The following ECE2 variants were observed in gnomAD, a reference collection of about 807,000 sequenced individuals.
The protein encoded by ECE2 is endothelin converting enzyme 2.
Under a neutral mutation model 100.6 loss-of-function variants are expected in ECE2, and 81 were observed. The ratio of observed to expected loss-of-function variants is 0.81; its 90% CI spans 0.67 to 0.97. The LOEUF (loss-of-function observed/expected upper bound fraction) is 0.97, where lower values mean the gene tolerates loss of function less well. ECE2 is among the 50% of genes least tolerant of loss of function. ECE2 has a pLI of 0.00. For synonymous variants in ECE2, 391 were observed against 391.5 expected (o/e 1.00, Z 0.02); for missense variants, 911 against 988.1 (o/e 0.92, Z 1.05).
Position 184,276,529 on chromosome 3 carries a change from A to G in ECE2, c.88A>G (p.Thr30Ala). 1 of 1,611,290 alleles carries G rather than the reference A, an allele frequency of 6.2e-7. No individual in the cohort carries two copies. The highest frequency in any genetic ancestry group is 2.2e-5 in the East Asian group (1 of 44,806). ...GCTTCGGGATGAAGACGCACCCGAG[A>G]CCCCCGTAGAGGGCGGGGCCTCCCC... is the stretch of plus-strand genomic sequence containing the variant. ...ATLRDEDAPE[T>A]PVEGGASPDA... Residue 30 changes from threonine (T) to alanine (A), a missense_variant, in exon 2 of 19, where the codon ACC (threonine) becomes GCC (alanine). Physicochemically the swap from Thr to Ala is moderately conservative, Grantham distance 58 (BLOSUM62 0). Transcript: ENST00000404464.
intron 7 of ECE2, among the ~76,000 whole-genome samples, chr3:184,279,328 A>AG (rs1720718765): frequency 6.9e-6 from 1 of 145,382 alleles, no homozygotes; most frequent in Non-Finnish European, 1.5e-5. Context: ...AAAAAAAAAA[A>AG]GAAAGAAAAA....
chr3:184,290,040 C>T (rs1322209809), intron 13 of ECE2, among the ~76,000 whole-genome samples: 1 of 152,076 alleles, frequency 6.6e-6, no homozygotes, highest in East Asian at 1.9e-4. Context: ...TAGTGCCTTC[C>T]TCATAGGGTT....
At chr3:184,280,962 G>A (rs1432533091) in intron 7 of ECE2, among the ~76,000 whole-genome samples, 3 of 149,504 alleles carry the variant, frequency 2.0e-5, no homozygotes, top group Non-Finnish European at 4.4e-5. Context: ...CTGGGCAACA[G>A]AGCAAGACTC....
At chr3:184,286,143 G>A (rs1489607406) in intron 10 of ECE2, among the ~76,000 whole-genome samples, 2 of 152,166 alleles carry the variant, frequency 1.3e-5, no homozygotes, top group African/African-American at 4.8e-5. Context: ...GAGGTGCCAT[G>A]TGATGGAAAA....
chr3:184,288,895 G>A (rs375493999), intron 11 of ECE2, among the ~76,000 whole-genome samples: 5 of 152,100 alleles, frequency 3.3e-5, no homozygotes, highest in South Asian at 2.1e-4. Context: ...GGTGGTTCAC[G>A]CTTGTAATCC....
intron 11 of ECE2, 48 bp downstream of exon 11, chr3:184,287,995 T>G (rs1285733304): frequency 6.4e-7 from 1 of 1,554,516 alleles, no homozygotes; most frequent in East Asian, 2.2e-5. Context: ...AATTGACTGT[T>G]CATGTATGTG....
chr3:184,277,642 A>T (rs1720624937), intron 4 of ECE2, among the ~76,000 whole-genome samples, 176 bp downstream of exon 4: 1 of 152,184 alleles, frequency 6.6e-6, no homozygotes, highest in Admixed American at 6.5e-5. Context: ...GATGGGTTTG[A>T]TGGGGGCAGA....
rs776314341 is a variant in ECE2, at chr3:184,291,521, C to G, written c.2121+82C>G. 1.9e-5 allele frequency: 25 copies of G among 1,282,530 alleles called. No individual in the cohort carries two copies. Among genetic ancestry groups the G allele is most frequent in the Non-Finnish European group, 2.5e-5 (24 of 948,722 alleles). 79.4% of individuals were successfully genotyped at this position (1,282,530 alleles called of 1,614,324 possible). The stretch of plus-strand genomic sequence containing the variant: ...ATGTCATTAGGAGAACTCTGGGGCA[C>G]GTGTCAAACGGGCTGGTGAATGGGG... On this transcript the variant is annotated intron_variant, in intron 18 of 18. Coordinates refer to ENST00000404464, the MANE Select transcript of ECE2 (RefSeq NM_001100121.2). This position sits in a 1 kb window ranked among gnomAD's most constrained non-coding sequence, Gnocchi z 4.1.
In ECE2 at chr3:184,285,051, A is replaced by G; in HGVS notation, c.1094A>G (p.Tyr365Cys). 6.2e-7 allele frequency: 1 copy of G among 1,614,054 alleles called. No homozygotes were observed. Residue 365 changes from tyrosine to cysteine, a missense_variant, in exon 9 of 19, where the codon TAT becomes TGT. Tyr to Cys is a radical substitution (Grantham distance 194). Transcript: ENST00000404464. ...ELSDSEPVVV[Y>C]GMDYLQQVSE... Reference sequence around the variant, plus strand: ...AGTGACTCTGAGCCTGTGGTGGTGTATGGGATGGATTATTTGCAGCAGGTG... The same window carrying G: ...AGTGACTCTGAGCCTGTGGTGGTGTGTGGGATGGATTATTTGCAGCAGGTG...
Position 184,291,274 on chromosome 3 carries a change from C to T in ECE2, c.2025+44C>T, listed in dbSNP as rs1218602425. On this transcript the variant is annotated intron_variant, in intron 17 of 18. Transcript: ENST00000404464. The surrounding 1 kb of genome is among the most constrained non-coding windows in gnomAD (Gnocchi z 4.1). ...CCTCCAGCGGCTGAGGCCTGCTGGC[C>T]TGGGGTGAAAGGTGCCGGGTGGGTG... 1 of 1,595,880 alleles carries T rather than the reference C, an allele frequency of 6.3e-7. No homozygotes were observed. Among genetic ancestry groups the T allele is most frequent in the Admixed American group, 1.7e-5 (1 of 58,680 alleles).
chr3:184,287,192 C>T (rs987555801), intron 10 of ECE2, among the ~76,000 whole-genome samples: 1 of 151,080 alleles, frequency 6.6e-6, no homozygotes, highest in African/African-American at 2.4e-5. Context: ...AGGAGAATGG[C>T]GTGAACCCGG....
In ECE2 at chr3:184,290,239, C is replaced by T. The variant is rs773424095; in HGVS notation, c.1552-16C>T. 4.4e-6 allele frequency: 7 copies of T among 1,601,032 alleles called. No individual in the cohort carries two copies. Among genetic ancestry groups the T allele is most frequent in the Non-Finnish European group, 6.0e-6 (7 of 1,169,712 alleles). On this transcript the variant is annotated splice_polypyrimidine_tract_variant and intron_variant, in intron 13 of 18. Transcript: ENST00000404464. ...GGATTCTCTTGCTCTCTTTCTACTT[C>T]CCACCTTTCCCACAGTACGAAATTT...
chr3:184,278,083 C>A (rs749622682), intron 5 of ECE2, 34 bp downstream of exon 5: 13 of 1,613,396 alleles, frequency 8.1e-6, no homozygotes, highest in Non-Finnish European at 1.0e-5. Flanking sequence ...GGCAGGGGAG[C>A]AGGAGAGGCC....
intron 10 of ECE2, among the ~76,000 whole-genome samples, chr3:184,285,887 A>G (rs764111092): frequency 2.0e-5 from 3 of 152,246 alleles, no homozygotes; most frequent in African/African-American, 7.2e-5. Context: ...GCACCTGCAC[A>G]GTACATGGTA....
chr3:184,276,804 T>C, intron 2 of ECE2, 88 bp from the exon 3 acceptor site: 1 of 1,582,862 alleles, frequency 6.3e-7, no homozygotes, highest in African/African-American at 1.3e-5. Flanking sequence ...ACCCTGTGGC[T>C]CTGAAAACTG....
rs1341068993 is a variant in ECE2, at chr3:184,277,270, C to A, written c.282C>A (p.Cys94Ter). The A allele has an allele frequency of 1.9e-6, 3 of 1,614,132 alleles. No individual in the cohort carries two copies. The highest frequency in any genetic ancestry group is 2.5e-6 in the Non-Finnish European group (3 of 1,180,046). Residue 94 changes from cysteine (C) to a stop codon, truncating the protein, a stop_gained, in exon 4 of 19, where the codon TGC (cysteine) becomes TGA (stop). Transcript: ENST00000404464. LOFTEE classifies it high-confidence loss of function. The part of the protein sequence containing the change: ...QYHRDPSHST[C>*]LTEACIRVAG... The stretch of plus-strand genomic sequence containing the variant: ...CCACAGACCCATCCCACAGCACCTG[C>A]CTTACAGAGGCCTGCATTCGAGTGG...
chr3:184,276,521 C>T lies in ECE2; in HGVS notation c.80C>T (p.Ala27Val). Residue 27 changes from alanine to valine, a missense_variant, in exon 2 of 19, where the codon GCA becomes GTA. Transcript: ENST00000404464. ...CGGGCCACGCTTCGGGATGAAGACG[C>T]ACCCGAGACCCCCGTAGAGGGCGGG... ...YKRATLRDED[A>V]PETPVEGGAS... 1 of 1,611,464 alleles carries T rather than the reference C, an allele frequency of 6.2e-7. No individual in the cohort carries two copies. Among genetic ancestry groups the T allele is most frequent in the Non-Finnish European group, 8.5e-7 (1 of 1,179,764 alleles).
At position 184,276,106 on chromosome 3, in the gene ECE2, C is replaced by T. The variant is rs1187177122; in HGVS notation, c.-48C>T. On this transcript the variant is annotated 5_prime_UTR_variant, in exon 1 of 19. Coordinates refer to ENST00000404464, the MANE Select transcript of ECE2 (RefSeq NM_001100121.2). ...GGGGACCGGGGCCGCGGCCCGGGAG[C>T]GGGCCAGCTGCCGGGAGCCCTGAAT... 19 of 1,273,996 alleles carry T rather than the reference C, an allele frequency of 1.5e-5. No homozygotes were observed. The highest frequency in any genetic ancestry group is 4.0e-5 in the Admixed American group (1 of 25,284). The allele number at this position is 1,273,996 out of a possible 1,614,324, so 78.9% of individuals were successfully genotyped here.
chr3:184,290,450 C>G, intron 14 of ECE2, 92 bp downstream of exon 14: 1 of 1,556,152 alleles, frequency 6.4e-7, no homozygotes, highest in Non-Finnish European at 8.8e-7. Flanking sequence ...CAAGACTGGT[C>G]CCAGACCGGC....
Sources: allele counts gnomAD v4.1 joint callset (sites outside exome capture counted in the v4.1 genomes callset), GRCh38; gene constraint gnomAD v4.1.1; non-coding constraint Gnocchi (gnomAD v3.1); transcripts MANE v1.5; gene names NCBI Gene and HGNC (gene_info 2026-07-23, HGNC 2026-07-21).